Variants in PHLDB2 observed in about 807,000 individuals in gnomAD.
PHLDB2 encodes pleckstrin homology like domain family B member 2.
PHLDB2 carries 71 observed loss-of-function variants against 123.6 expected under a neutral mutation model. The ratio of observed to expected loss-of-function variants is 0.57; its 90% CI spans 0.47 to 0.70. PHLDB2 has a LOEUF of 0.70. Among genes scored for constraint, PHLDB2 ranks in the 30% least tolerant of loss-of-function variants. The probability of loss-of-function intolerance (pLI) is 0.00; values close to 1 mark genes in which losing one functional copy is unlikely to be tolerated. For missense variants in PHLDB2, 1,446 were observed against 1,519.5 expected, an observed-to-expected ratio of 0.95 and a Z score of 0.80; for synonymous variants, 547 against 541.6, an observed-to-expected ratio of 1.01 and a Z score of -0.14.
intron 2 of PHLDB2, among the ~76,000 whole-genome samples, chr3:111,895,618 C>CAGGT (rs2066793117): frequency 6.6e-6 from 1 of 152,198 alleles, no homozygotes; most frequent in African/African-American, 2.4e-5. Context: ...GAGGCCAAGG[C>CAGGT]AGGTAGATCA....
chr3:111,938,383 T>A (rs968049692), intron 6 of PHLDB2, among the ~76,000 whole-genome samples: 7 of 152,104 alleles, frequency 4.6e-5, no homozygotes, highest in Non-Finnish European at 7.4e-5. Context: ...CTAGAGCCCA[T>A]GTCCAAAAGT....
chr3:111,842,672 T>C (rs2063746390), intron 1 of PHLDB2, among the ~76,000 whole-genome samples: 1 of 152,232 alleles, frequency 6.6e-6, no homozygotes, highest in Admixed American at 6.5e-5. Context: ...TTTTAATATA[T>C]TCAAAGAGTC....
intron 10 of PHLDB2, among the ~76,000 whole-genome samples, chr3:111,949,535 C>T (rs2070570887): frequency 6.6e-6 from 1 of 152,108 alleles, no homozygotes; most frequent in African/African-American, 2.4e-5. Flanking sequence ...ATCCAAGTCG[C>T]TTACAGTGTG....
intron 1 of PHLDB2, among the ~76,000 whole-genome samples, chr3:111,862,061 C>G (rs2064858848): frequency 6.6e-6 from 1 of 152,212 alleles, no homozygotes; most frequent in African/African-American, 2.4e-5. Context: ...AGGCTGGTCT[C>G]AAACTCTTAA....
intron 2 of PHLDB2, among the ~76,000 whole-genome samples, chr3:111,908,966 C>G (rs1448428047): frequency 1.3e-5 from 2 of 152,142 alleles, no homozygotes; most frequent in Non-Finnish European, 2.9e-5. Flanking sequence ...GTTGTAATCC[C>G]TAAGAGGAAG....
chr3:111,772,270 G>A (rs982913288), intron 1 of PHLDB2, among the ~76,000 whole-genome samples: 1 of 152,036 alleles, frequency 6.6e-6, no homozygotes, highest in African/African-American at 2.4e-5. Flanking sequence ...TTTCCAATGT[G>A]CCCTTGGAAA....
At chr3:111,933,107 C>A (rs925760968) in intron 6 of PHLDB2, among the ~76,000 whole-genome samples, 1 of 152,220 alleles carries the variant, frequency 6.6e-6, no homozygotes, top group Admixed American at 6.5e-5. Context: ...TGGATAGTTT[C>A]ACAAACACTG....
intron 1 of PHLDB2, among the ~76,000 whole-genome samples, chr3:111,876,767 G>C (rs1208389980): frequency 6.6e-6 from 1 of 152,010 alleles, no homozygotes; most frequent in South Asian, 2.1e-4. Flanking sequence ...TCCCCTCCCT[G>C]TGTCCATGTG....
chr3:111,751,168 G>GGTGTGTGT (rs35962012), intron 1 of PHLDB2, among the ~76,000 whole-genome samples: 375 of 144,120 alleles, frequency 2.6e-3, no homozygotes, highest in African/African-American at 6.1e-3. Flanking sequence ...GAGACAATGG[G>GGTGTGTGT]GTGTGTGTGT....
chr3:111,751,656 G>T (rs970851462), intron 1 of PHLDB2, among the ~76,000 whole-genome samples: 1 of 139,212 alleles, frequency 7.2e-6, no homozygotes, highest in African/African-American at 2.6e-5. Context: ...CAGTGCCTAG[G>T]AAAAATTTAA....
Position 111,742,282 on chromosome 3 carries a change from A to C in PHLDB2, c.-49+9579A>C, listed in dbSNP as rs564700462. Among the ~76,000 whole-genome samples, 5 of 152,282 alleles carry C rather than the reference A, an allele frequency of 3.3e-5. No individual in the cohort carries two copies. In the East Asian group the frequency reaches 9.6e-4, roughly 29 times the overall value. Reference sequence around the variant, plus strand: ...GCCAAAGTCATAATAGCATGTTAGAATCAAATATTTTCCATTGTTCTTTTA... The same window carrying C: ...GCCAAAGTCATAATAGCATGTTAGACTCAAATATTTTCCATTGTTCTTTTA... On this transcript the variant is annotated intron_variant, in intron 1 of 17. Coordinates refer to the PHLDB2 transcript ENST00000393923.
chr3:111,921,604 CTTTT>C (rs368628355), intron 5 of PHLDB2, among the ~76,000 whole-genome samples: 110 of 132,244 alleles, frequency 8.3e-4, no homozygotes, highest in African/African-American at 2.9e-3. Context: ...TGCCCCCAGA[CTTTT>C]TTTTTTTTTT....
intron 13 of PHLDB2, among the ~76,000 whole-genome samples, chr3:111,962,637 A>T (rs1007016679): frequency 1.3e-5 from 2 of 152,162 alleles, no homozygotes; most frequent in Non-Finnish European, 2.9e-5. Context: ...CTTTTGATTT[A>T]AAAAAGAGGG....
chr3:111,865,768 G>A (rs1265560105), intron 1 of PHLDB2, among the ~76,000 whole-genome samples: 1 of 151,312 alleles, frequency 6.6e-6, no homozygotes, highest in Non-Finnish European at 1.5e-5. Context: ...CTTTTGGCCA[G>A]AGTTATTAAA....
intron 1 of PHLDB2, among the ~76,000 whole-genome samples, chr3:111,784,987 A>G (rs967671352): frequency 1.1e-4 from 16 of 152,170 alleles, no homozygotes; most frequent in Non-Finnish European, 2.2e-4. Context: ...TATTTTTGAG[A>G]ACAAATTAAT....
rs574199675 is a variant in PHLDB2 at position 111,807,591 on chromosome 3, C to T, written c.-48-38230C>T. Among the ~76,000 whole-genome samples, 133 of 152,042 alleles carry T rather than the reference C, an allele frequency of 8.7e-4. 5 individuals are homozygous for T. The South Asian group carries it at 0.027, about 30-fold the overall frequency. ...AAAATTTAAAAAAAATAGCCAGGCG[C>T]GTGATTTTTTTAATTTACACGCCTG... is the stretch of plus-strand genomic sequence containing the variant. On this transcript the variant is annotated intron_variant, in intron 1 of 17. Coordinates refer to the PHLDB2 transcript ENST00000393923.
chr3:111,929,831 A>G (rs2069013352), intron 5 of PHLDB2, among the ~76,000 whole-genome samples: 1 of 152,098 alleles, frequency 6.6e-6, no homozygotes, highest in Non-Finnish European at 1.5e-5. Flanking sequence ...GCCTGCTTGC[A>G]TATTCTTCTA....
rs772854599 is a variant in PHLDB2 at position 111,939,565 on chromosome 3, G to C, written c.2221G>C (p.Glu741Gln). ...TGAGAGCCGTCTAGATGAAGAAAAG[G>C]AGAACTTGACTCAACAGCTCCTGCG... ...EHESRLDEEK[E>Q]NLTQQLLREV... The change falls in exon 7 of 18, where the codon GAG becomes CAG. Residue 741 changes from glutamate to glutamine, a missense_variant. Around this residue, in one of 3 missense-constraint regions of PHLDB2, gnomAD observed 594 missense variants for 646.0 expected, o/e 0.92. Coordinates refer to ENST00000431670, the MANE Select transcript of PHLDB2 (RefSeq NM_001134438.2). 1 of 1,613,992 alleles carries C rather than the reference G, an allele frequency of 6.2e-7. No homozygotes were observed. The highest frequency in any genetic ancestry group is 1.1e-5 in the South Asian group (1 of 91,058).
chr3:111,932,147 C>A (rs1577117107), intron 5 of PHLDB2, 122 bp from the exon 6 acceptor site: 1 of 1,073,188 alleles, frequency 9.3e-7, no homozygotes, highest in Non-Finnish European at 1.3e-6. Context: ...TACGTTTCTA[C>A]ATTCATAGAT....
Sources: gnomAD v4.1 joint callset for allele counts (sites outside exome capture counted in the v4.1 genomes callset) on GRCh38, gnomAD v4.1.1 for gene constraint, gnomAD v4.1.1 regional missense constraint, MANE v1.5 for transcripts, NCBI Gene and HGNC (gene_info 2026-07-23, HGNC 2026-07-21) for gene names.